MMP26: variants seen among roughly 807,000 people sequenced by gnomAD.
The protein encoded by MMP26 is matrix metalloproteinase-26.
Under a neutral mutation model 31.0 loss-of-function variants are expected in MMP26, and 33 were observed. The observed-to-expected ratio is 1.06, with a 90% confidence interval of 0.81 to 1.42. MMP26 has a LOEUF of 1.42. Ranked by LOEUF, MMP26 falls within the 40% of genes most tolerant of loss-of-function variation. The probability of loss-of-function intolerance (pLI) is 0.00; values close to 1 mark genes in which losing one functional copy is unlikely to be tolerated. For missense variants in MMP26, 347 were observed against 316.1 expected (o/e 1.10, Z -0.74); for synonymous variants, 122 against 114.9 (o/e 1.06, Z -0.40).
chr11:4,926,837 A>G (rs1851279966), intron 2 of MMP26, among the ~76,000 whole-genome samples: 1 of 152,254 alleles, frequency 6.6e-6, no homozygotes, highest in Admixed American at 6.5e-5. Flanking sequence ...AGAGCTCACA[A>G]GCCTAGCACA....
chr11:4,912,713 C>T (rs969787913), intron 2 of MMP26: 1 of 152,100 alleles, frequency 6.6e-6, no homozygotes, highest in Non-Finnish European at 1.5e-5. Flanking sequence ...ACGTAACAGG[C>T]AGCTATAACC....
At chr11:4,798,707 T>C (rs1030795030) in intron 2 of MMP26, among the ~76,000 whole-genome samples, 2 of 152,204 alleles carry the variant, frequency 1.3e-5, no homozygotes, top group African/African-American at 2.4e-5. Context: ...GAACAAATAC[T>C]GTGGGAGCAC....
chr11:4,820,570 T>G lies in MMP26; in HGVS notation c.-145+53229T>G, dbSNP rs186585878. On this transcript the variant is annotated intron_variant, in intron 2 of 7. Transcript: ENST00000380390. Reference sequence around the variant, plus strand: ...TATTCCTCCTCCTCCTCTTGCACTTTCCTCCTCTTCCCCTTTGTGCTCTTA... The same window carrying G: ...TATTCCTCCTCCTCCTCTTGCACTTGCCTCCTCTTCCCCTTTGTGCTCTTA... 4.5e-4 allele frequency among the ~76,000 whole-genome samples: 68 copies of G among 151,968 alleles called. 1 individual carries two copies. The highest frequency in any genetic ancestry group is 1.6e-3 in the African/African-American group (68 of 41,450).
chr11:4,798,852 G>C (rs893106287), intron 2 of MMP26, among the ~76,000 whole-genome samples: 1 of 152,168 alleles, frequency 6.6e-6, no homozygotes, highest in Non-Finnish European at 1.5e-5. Context: ...ATTATGTTTG[G>C]CTCTGTGCAG....
chr11:4,917,301 C>T (rs1012321311), intron 2 of MMP26, among the ~76,000 whole-genome samples: 1 of 152,106 alleles, frequency 6.6e-6, no homozygotes, highest in Non-Finnish European at 1.5e-5. Flanking sequence ...ATTTACATTT[C>T]TAAGATCAGA....
chr11:4,923,544 A>C, intron 2 of MMP26: 1 of 1,614,156 alleles, frequency 6.2e-7, no homozygotes, highest in Non-Finnish European at 8.5e-7. Flanking sequence ...TGTTCACCAA[A>C]GCGATGCACA....
intron 1 of MMP26, among the ~76,000 whole-genome samples, chr11:4,725,549 T>C (rs1011699715): frequency 6.6e-6 from 1 of 152,198 alleles, no homozygotes; most frequent in Non-Finnish European, 1.5e-5. Context: ...CAGAAAATTG[T>C]GATATAGAGG....
intron 2 of MMP26, among the ~76,000 whole-genome samples, chr11:4,818,473 T>C (rs1849450507): frequency 6.6e-6 from 1 of 152,000 alleles, no homozygotes; most frequent in Non-Finnish European, 1.5e-5. Context: ...TTGTAAAATT[T>C]TCTTGACTGT....
At chr11:4,870,670 C>G (rs1359297266) in intron 2 of MMP26, among the ~76,000 whole-genome samples, 1 of 152,066 alleles carries the variant, frequency 6.6e-6, no homozygotes, top group East Asian at 1.9e-4. Flanking sequence ...GTTTGGGTAA[C>G]TGGGTGAATT....
At chr11:4,719,934 T>G (rs1847988356) in intron 1 of MMP26, among the ~76,000 whole-genome samples, 1 of 152,212 alleles carries the variant, frequency 6.6e-6, no homozygotes, top group African/African-American at 2.4e-5. Context: ...ATAAGTAACA[T>G]CACGCTGCTC....
At chr11:4,781,391 C>CA (rs1220980822) in intron 2 of MMP26, among the ~76,000 whole-genome samples, 3 of 74,682 alleles carry the variant, frequency 4.0e-5, no homozygotes, top group East Asian at 2.0e-4. Context: ...ACTAAAAATA[C>CA]AAAAAATTAG....
chr11:4,819,603 G>C lies in MMP26; in HGVS notation c.-145+52262G>C, dbSNP rs1331961720. On this transcript the variant is annotated intron_variant, in intron 2 of 7. Coordinates refer to ENST00000380390, the MANE Select transcript of MMP26 (RefSeq NM_021801.5). ...TTTTTTTTTTTTTTTTTTTGAGACA[G>C]TGTTTCTCTCTGTCACTCAGGCTGG... Among the ~76,000 whole-genome samples the C allele has an allele frequency of 5.8e-5, 4 of 69,072 alleles. 1 individual carries two copies. The highest frequency in any genetic ancestry group is 1.0e-4 in the African/African-American group (2 of 19,934). 45.3% of individuals were successfully genotyped at this position (69,072 alleles called of 152,430 possible). A position where few individuals can be genotyped will look rare whatever the true frequency, so the allele number is the denominator to read the frequency against.
chr11:4,891,693 T>C (rs887119388), intron 2 of MMP26, among the ~76,000 whole-genome samples: 1 of 152,222 alleles, frequency 6.6e-6, no homozygotes, highest in Non-Finnish European at 1.5e-5. Context: ...ATGATTACAA[T>C]GTCCTTATGT....
intron 2 of MMP26, chr11:4,803,840 A>T: frequency 3.7e-6 from 6 of 1,613,014 alleles, no homozygotes; most frequent in Non-Finnish European, 5.1e-6. Context: ...TGCTCACAGT[A>T]TGACTGGGGA....
chr11:4,980,812 C>G (rs908660087), intron 2 of MMP26, among the ~76,000 whole-genome samples: 1 of 151,780 alleles, frequency 6.6e-6, no homozygotes, highest in Admixed American at 6.6e-5. Flanking sequence ...CCTCATTTTC[C>G]TAAGTGAAGG....
chr11:4,712,317 A>T (rs1201711756), intron 1 of MMP26: 1 of 152,170 alleles, frequency 6.6e-6, no homozygotes, highest in Non-Finnish European at 1.5e-5. Flanking sequence ...ATCAGTTTTT[A>T]CTTACAAACT....
At chr11:4,706,879 G>T (rs1456718916) in intron 1 of MMP26, among the ~76,000 whole-genome samples, 1 of 152,052 alleles carries the variant, frequency 6.6e-6, no homozygotes, top group Non-Finnish European at 1.5e-5. Context: ...TTCATTTCAG[G>T]TTCATCCATG....
chr11:4,992,077 A>C lies in MMP26; in HGVS notation c.709A>C (p.Thr237Pro), dbSNP rs369092544. The C allele has an allele frequency of 1.2e-6, 2 of 1,613,592 alleles. No individual in the cohort carries two copies. The highest frequency in any genetic ancestry group is 2.7e-5 in the African/African-American group (2 of 74,758). Residue 237 changes from threonine to proline, a missense_variant, in exon 7 of 8, where the codon ACC becomes CCC. Thr to Pro is a conservative substitution (Grantham distance 38). Coordinates refer to ENST00000380390, the MANE Select transcript of MMP26 (RefSeq NM_021801.5). ...YPTYWYHDPRTFQLSADDIQR... is the reference protein window; with the variant it reads ...YPTYWYHDPRPFQLSADDIQR... ...CACTTACTGGTATCACGACCCTAGA[A>C]CCTTCCAGCTCAGTGCCGATGATAT...
At chr11:4,788,980 T>C (rs1848985006) in intron 2 of MMP26, among the ~76,000 whole-genome samples, 1 of 152,164 alleles carries the variant, frequency 6.6e-6, no homozygotes, top group South Asian at 2.1e-4. Flanking sequence ...CCAGCAAGCC[T>C]GCATGGTAGA....
Sources: allele counts gnomAD v4.1 joint callset (sites outside exome capture counted in the v4.1 genomes callset), GRCh38; gene constraint gnomAD v4.1.1; transcripts MANE v1.5; gene names NCBI Gene and HGNC (gene_info 2026-07-23, HGNC 2026-07-21).